SLC38A6: variants seen among roughly 807,000 people sequenced by gnomAD.
The protein encoded by SLC38A6 is N system amino acid transporter NAT-1.
A neutral mutation model predicts 65.0 loss-of-function variants in SLC38A6; 73 were observed. The ratio of observed to expected loss-of-function variants is 1.12; its 90% CI spans 0.93 to 1.37. The LOEUF is 1.37. SLC38A6 is among the 40% of genes most tolerant of loss of function. SLC38A6 has a pLI of 0.00. For missense variants in SLC38A6, 561 were observed against 531.1 expected (o/e 1.06, Z -0.55); for synonymous variants, 183 against 178.8 (o/e 1.02, Z -0.19).
chr14:61,069,098 C>T (rs2043132903), intron 15 of SLC38A6, among the ~76,000 whole-genome samples: 1 of 152,164 alleles, frequency 6.6e-6, no homozygotes, highest in Non-Finnish European at 1.5e-5. Context: ...GGTTCCACCC[C>T]AACCAATTAA....
At chr14:60,996,905 TAAGTGTG>T (rs1440168654) in intron 3 of SLC38A6, among the ~76,000 whole-genome samples, 1 of 152,232 alleles carries the variant, frequency 6.6e-6, no homozygotes, top group African/African-American at 2.4e-5. Flanking sequence ...AACTGTTGCT[TAAGTGTG>T]AAGTTTGAAC....
chr14:61,024,909 C>G (rs1049255114), intron 5 of SLC38A6, among the ~76,000 whole-genome samples: 1 of 152,176 alleles, frequency 6.6e-6, no homozygotes, highest in African/African-American at 2.4e-5. Context: ...TTATTTTGCT[C>G]TTATAAATAT....
chr14:60,987,073 A>G (rs1353022639), intron 3 of SLC38A6: 3 of 418,542 alleles, frequency 7.2e-6, no homozygotes, highest in African/African-American at 4.2e-5. Context: ...CCATGAACTA[A>G]CTACTTCATG....
intron 15 of SLC38A6, among the ~76,000 whole-genome samples, chr14:61,068,823 C>G (rs1167677649): frequency 6.6e-6 from 1 of 152,196 alleles, no homozygotes; most frequent in Non-Finnish European, 1.5e-5. Context: ...GTGCCTGGTA[C>G]TTTGGAGTGG....
chr14:61,001,866 T>C (rs531493786), intron 3 of SLC38A6, among the ~76,000 whole-genome samples: 11 of 152,342 alleles, frequency 7.2e-5, no homozygotes, highest in Admixed American at 2.0e-4. Flanking sequence ...CCATCAACTT[T>C]AGTCAGTATC....
In SLC38A6 at chr14:61,030,536, AT is replaced by A; in HGVS notation, c.482+17del. On this transcript the variant is annotated intron_variant, in intron 6 of 15. Transcript: ENST00000267488. Reference sequence around the variant, plus strand: ...GAGACTATAGTAGGTAAGAAAAAGTATTTTACATTGTGTCCGTTCATGTATT... The same window carrying A: ...GAGACTATAGTAGGTAAGAAAAAGTATTTACATTGTGTCCGTTCATGTATT... 1 of 1,557,502 alleles carries A rather than the reference AT, an allele frequency of 6.4e-7. No individual in the cohort carries two copies.
At chr14:61,051,241 C>A (rs2042491298) in intron 13 of SLC38A6, among the ~76,000 whole-genome samples, 1 of 152,154 alleles carries the variant, frequency 6.6e-6, no homozygotes, top group African/African-American at 2.4e-5. Context: ...GCTGGGGCTT[C>A]AAGCCTCCTC....
chr14:61,009,773 G>A (rs184535951), intron 3 of SLC38A6, among the ~76,000 whole-genome samples: 30 of 152,134 alleles, frequency 2.0e-4, no homozygotes, highest in Non-Finnish European at 1.2e-4. Flanking sequence ...TCTTAATCCA[G>A]TCTATCATTG....
intron 4 of SLC38A6, among the ~76,000 whole-genome samples, chr14:61,017,074 T>TCTTGTTGCCCAGG (rs1445021395): frequency 1.3e-5 from 2 of 152,130 alleles, no homozygotes; most frequent in African/African-American, 2.4e-5. Flanking sequence ...AGAGTTTCGC[T>TCTTGTTGCCCAGG]CTTGTTGCCC....
intron 15 of SLC38A6, among the ~76,000 whole-genome samples, chr14:61,065,943 T>C (rs2043005352): frequency 6.6e-6 from 1 of 152,090 alleles, no homozygotes; most frequent in African/African-American, 2.4e-5. Flanking sequence ...AGAGAGAAAA[T>C]AGATGCTAGA....
intron 15 of SLC38A6, among the ~76,000 whole-genome samples, chr14:61,071,862 C>T (rs1327551401): frequency 6.6e-6 from 1 of 152,158 alleles, no homozygotes; most frequent in Non-Finnish European, 1.5e-5. Context: ...GCATCTCTCA[C>T]AGTAGTTGGT....
At chr14:61,019,477 T>C in intron 4 of SLC38A6, 64 bp from the exon 5 acceptor site, 1 of 1,553,156 alleles carries the variant, frequency 6.4e-7, no homozygotes, top group Non-Finnish European at 8.8e-7. Flanking sequence ...TGGATTTTAA[T>C]AAAATACTGA....
At chr14:60,992,062 G>A (rs2037935409) in intron 3 of SLC38A6, among the ~76,000 whole-genome samples, 1 of 152,156 alleles carries the variant, frequency 6.6e-6, no homozygotes, top group Non-Finnish European at 1.5e-5. Context: ...GGTAGAAGAA[G>A]GGAAGAGACA....
intron 16 of SLC38A6, among the ~76,000 whole-genome samples, chr14:61,080,574 C>G (rs997267987): frequency 5.9e-5 from 9 of 152,186 alleles, no homozygotes; most frequent in Non-Finnish European, 8.8e-5. Context: ...AGCTCAGAAT[C>G]AAGTCTGGGA....
chr14:61,008,912 ATG>A (rs2039345787), intron 3 of SLC38A6, among the ~76,000 whole-genome samples: 3 of 152,178 alleles, frequency 2.0e-5, no homozygotes, highest in Admixed American at 2.0e-4. Flanking sequence ...CATTTGGACA[ATG>A]TGGTATGCAA....
At chr14:61,083,642 G>A in exon 17 of SLC38A6, 6 of 1,550,420 alleles carry the variant, frequency 3.9e-6, no homozygotes, top group Admixed American at 2.0e-5. Flanking sequence ...AAGGGAAGAG[G>A]CCTCAGGAGA....
chr14:61,061,624 T>C (rs2042844068), intron 15 of SLC38A6, among the ~76,000 whole-genome samples: 1 of 152,250 alleles, frequency 6.6e-6, no homozygotes, highest in Admixed American at 6.5e-5. Flanking sequence ...CAGACTGCCT[T>C]ATTTCGTTTA....
chr14:61,008,430 A>G (rs1445341342), intron 3 of SLC38A6, among the ~76,000 whole-genome samples: 2 of 152,284 alleles, frequency 1.3e-5, no homozygotes, highest in Admixed American at 6.5e-5. Flanking sequence ...GTGGCAGTTG[A>G]AAGAAAACCC....
intron 16 of SLC38A6, among the ~76,000 whole-genome samples, chr14:61,082,365 A>G (rs2043692943): frequency 6.6e-6 from 1 of 152,040 alleles, no homozygotes; most frequent in Non-Finnish European, 1.5e-5. Context: ...AACTTGTACC[A>G]AGACCTGTTG....
Sources: allele counts gnomAD v4.1 joint callset (sites outside exome capture counted in the v4.1 genomes callset), GRCh38; gene constraint gnomAD v4.1.1; transcripts MANE v1.5; gene names NCBI Gene and HGNC (gene_info 2026-07-23, HGNC 2026-07-21).